CUL1: variants seen among roughly 807,000 people sequenced by gnomAD.
CUL1 encodes the protein cullin 1.
Under a neutral mutation model 118.0 loss-of-function variants are expected in CUL1, and 24 were observed. The observed-to-expected ratio is 0.20, with a 90% CI of 0.15 to 0.29. The LOEUF (loss-of-function observed/expected upper bound fraction) is 0.29, where lower values mean the gene tolerates loss of function less well. Ranked by LOEUF, CUL1 falls within the 10% of genes least tolerant of loss-of-function variation. The probability of loss-of-function intolerance (pLI) is 1.00; values close to 1 mark genes in which losing one functional copy is unlikely to be tolerated. For synonymous variants in CUL1, 332 were observed against 340.4 expected, an observed-to-expected ratio of 0.98 and a Z score of 0.27; for missense variants, 361 against 933.8, an observed-to-expected ratio of 0.39 and a Z score of 7.99.
Position 148,736,408 on chromosome 7 carries a change from AC to A in CUL1, c.140+6152del, listed in dbSNP as rs1216008771. 3.3e-5 allele frequency among the ~76,000 whole-genome samples: 5 copies of A among 151,722 alleles called. No individual in the cohort carries two copies. The East Asian group carries it at 7.7e-4, about 23-fold the overall frequency. On this transcript the variant is annotated intron_variant, in intron 2 of 21. Coordinates refer to ENST00000325222, the MANE Select transcript of CUL1 (RefSeq NM_003592.3). ...CCAACTCCTGGACTCAAGTGATTCC[AC>A]CCCCCACCCCACCTCAACCTCCTGA... is the stretch of plus-strand genomic sequence containing the variant.
At chr7:148,769,208 A>G (rs1800119539) in intron 9 of CUL1, among the ~76,000 whole-genome samples, 1 of 152,042 alleles carries the variant, frequency 6.6e-6, no homozygotes, top group Non-Finnish European at 1.5e-5. Context: ...TGCCTATCCC[A>G]TAGGATATTT....
rs1190623990 is a variant in CUL1, at chr7:148,797,954, T to C, written c.1965T>C (p.Asn655=). The change falls in exon 19 of 22, where the codon AAT becomes AAC. Residue 655 remains asparagine, a synonymous_variant. Coordinates refer to ENST00000325222, the MANE Select transcript of CUL1 (RefSeq NM_003592.3). ...KSKLLVLEDE[N]ANVDEVELKP... ...TCTTACAGGTCTTGGAAGATGAAAA[T>C]GCAAATGTTGATGAGGTGGAATTGA... The C allele has an allele frequency of 6.2e-7, 1 of 1,612,932 alleles. No individual in the cohort carries two copies. Among genetic ancestry groups the C allele is most frequent in the Admixed American group, 1.7e-5 (1 of 59,972 alleles).
intron 1 of CUL1, among the ~76,000 whole-genome samples, chr7:148,721,724 CT>C (rs138639910): frequency 6.6e-6 from 1 of 150,724 alleles, no homozygotes. Context: ...CCTTTGTCAC[CT>C]TTTTTTTTCA....
At chr7:148,730,454 G>A (rs187638347) in intron 2 of CUL1, among the ~76,000 whole-genome samples, 192 bp downstream of exon 2, 15 of 152,270 alleles carry the variant, frequency 9.9e-5, no homozygotes, top group Admixed American at 5.9e-4. Flanking sequence ...GCAGCACTGG[G>A]CAGTACAGTC....
chr7:148,745,008 T>A (rs73158221), intron 2 of CUL1, among the ~76,000 whole-genome samples: 10,011 of 152,274 alleles, frequency 0.066, 393 homozygotes, highest in Middle Eastern at 0.11. Flanking sequence ...ACGTTCTTTT[T>A]CCCTGTCCGC....
At chr7:148,748,298 A>G (rs1799366781) in intron 2 of CUL1, among the ~76,000 whole-genome samples, 2 of 152,250 alleles carry the variant, frequency 1.3e-5, no homozygotes, top group South Asian at 2.1e-4. Context: ...GTGGTGATTT[A>G]CAGTAGACAC....
chr7:148,769,341 C>T (rs1489649587), intron 9 of CUL1, among the ~76,000 whole-genome samples: 1 of 149,382 alleles, frequency 6.7e-6, no homozygotes, highest in African/African-American at 2.5e-5. Flanking sequence ...TTCAAAATTA[C>T]CCTTCAGTTT....
chr7:148,707,618 A>C (rs992017418), intron 1 of CUL1, among the ~76,000 whole-genome samples: 3 of 152,132 alleles, frequency 2.0e-5, no homozygotes, highest in African/African-American at 7.2e-5. Flanking sequence ...TGCATACATT[A>C]GCTGTTTTCC....
rs538552991 is a variant in CUL1 at position 148,754,425 on chromosome 7, G to A, written c.315+275G>A. ...TGGGCTCAAGTGATCCTTCCACTTC[G>A]GCCTCCTGAGTAGCTGAGACTCTGC... On this transcript the variant is annotated intron_variant, in intron 3 of 21. Coordinates refer to ENST00000325222, the MANE Select transcript of CUL1 (RefSeq NM_003592.3). Among the ~76,000 whole-genome samples, 63 of 151,664 alleles carry A rather than the reference G, an allele frequency of 4.2e-4. No individual in the cohort carries two copies. The Middle Eastern group carries it at 0.017, about 41-fold the overall frequency.
chr7:148,799,437 A>G (rs758007208), intron 21 of CUL1, 49 bp downstream of exon 21: 9 of 1,311,074 alleles, frequency 6.9e-6, no homozygotes, highest in Non-Finnish European at 8.8e-6. Flanking sequence ...TTTAGAAGAT[A>G]AAAGATGTAG....
At chr7:148,722,309 C>G (rs1798420888) in intron 1 of CUL1, among the ~76,000 whole-genome samples, 1 of 152,206 alleles carries the variant, frequency 6.6e-6, no homozygotes, top group African/African-American at 2.4e-5. Context: ...CCTGCTACAT[C>G]CTCGGATTGG....
At chr7:148,783,425 G>GAAAC (rs1800714415) in intron 9 of CUL1, 1 of 985,476 alleles carries the variant, frequency 1.0e-6, no homozygotes, top group Non-Finnish European at 1.2e-6. Flanking sequence ...TTCTCCAGCT[G>GAAAC]AAACAGAGTC....
intron 1 of CUL1, among the ~76,000 whole-genome samples, chr7:148,720,556 G>A (rs1484057144): frequency 2.0e-5 from 3 of 152,104 alleles, no homozygotes; most frequent in African/African-American, 4.8e-5. Flanking sequence ...GAGATTGCAC[G>A]CAACATGAGG....
intron 9 of CUL1, among the ~76,000 whole-genome samples, chr7:148,779,889 C>G (rs1800557527): frequency 6.6e-6 from 1 of 152,164 alleles, no homozygotes; most frequent in South Asian, 2.1e-4. Context: ...ACAATCTAAT[C>G]AGCTGCCAGC....
At chr7:148,710,888 G>A (rs1403548711) in intron 1 of CUL1, among the ~76,000 whole-genome samples, 3 of 151,922 alleles carry the variant, frequency 2.0e-5, no homozygotes, top group South Asian at 2.1e-4. Context: ...GGCTGGTCTC[G>A]AACTCCTGAC....
intron 2 of CUL1, among the ~76,000 whole-genome samples, chr7:148,751,118 C>T (rs964701074): frequency 6.6e-6 from 1 of 152,090 alleles, no homozygotes; most frequent in African/African-American, 2.4e-5. Context: ...GCTGGATAGC[C>T]GCTTTGTAGC....
Position 148,800,486 on chromosome 7 carries a change from T to C in CUL1, c.2251-16T>C, listed in dbSNP as rs1446410847. 1 of 1,607,722 alleles carries C rather than the reference T, an allele frequency of 6.2e-7. No homozygotes were observed. Among genetic ancestry groups the C allele is most frequent in the Non-Finnish European group, 8.5e-7 (1 of 1,174,404 alleles). On this transcript the variant is annotated splice_polypyrimidine_tract_variant and intron_variant, in intron 21 of 21. Transcript: ENST00000325222. This position sits in a 1 kb window ranked among gnomAD's most constrained non-coding sequence, Gnocchi z 4.6. ...TTCTCTTTCACTACCTCTTCCTTTT[T>C]AAAAATAACACCCAGAAATGCATTG...
At chr7:148,729,906 C>T (rs1307358101) in intron 1 of CUL1, 56 bp from the exon 2 acceptor site, 1 of 492,552 alleles carries the variant, frequency 2.0e-6, no homozygotes, top group Non-Finnish European at 3.5e-6. Context: ...CAGTGTGTCT[C>T]ACCTTATTAC....
intron 1 of CUL1, among the ~76,000 whole-genome samples, chr7:148,701,335 C>T (rs1224244992): frequency 6.6e-6 from 1 of 152,138 alleles, no homozygotes; most frequent in African/African-American, 2.4e-5. Context: ...CCCCTTCCCT[C>T]TTCACTTCCC....
Sources: gnomAD v4.1 joint callset for allele counts (sites outside exome capture counted in the v4.1 genomes callset) on GRCh38, gnomAD v4.1.1 for gene constraint, Gnocchi (gnomAD v3.1) non-coding constraint, MANE v1.5 for transcripts, NCBI Gene and HGNC (gene_info 2026-07-23, HGNC 2026-07-21) for gene names.